Variants in ARHGEF38 observed in about 807,000 individuals in gnomAD.
The protein encoded by ARHGEF38 is Rho guanine nucleotide exchange factor 38.
Under a neutral mutation model 79.9 loss-of-function variants are expected in ARHGEF38, and 79 were observed. That is an observed-to-expected ratio of 0.99 (90% CI 0.82 to 1.19). The LOEUF is 1.19. Among genes scored for constraint, ARHGEF38 ranks in the 50% most tolerant of loss-of-function variants. The pLI, the probability that ARHGEF38 is intolerant of heterozygous loss-of-function variation, is 0.00. For synonymous variants in ARHGEF38, 366 were observed against 328.3 expected, an observed-to-expected ratio of 1.11 and a Z score of -1.24; for missense variants, 962 against 907.2, an observed-to-expected ratio of 1.06 and a Z score of -0.78.
At chr4:105,625,254 G>A (rs1006937032) in intron 3 of ARHGEF38, among the ~76,000 whole-genome samples, 4 of 152,088 alleles carry the variant, frequency 2.6e-5, no homozygotes, top group Non-Finnish European at 5.9e-5. Context: ...ATGTAAAAAT[G>A]GGTAGTATAG....
rs143435474 is a variant in ARHGEF38, at chr4:105,654,652, A to C, written c.1113+483A>C. Among the ~76,000 whole-genome samples the C allele has an allele frequency of 2.4e-3, 367 of 152,336 alleles. 2 individuals carry two copies. Among genetic ancestry groups the C allele is most frequent in the African/African-American group, 8.6e-3 (356 of 41,578 alleles). On this transcript the variant is annotated intron_variant, in intron 8 of 13. Coordinates refer to ENST00000420470, the MANE Select transcript of ARHGEF38 (RefSeq NM_001242729.2). Reference sequence around the variant, plus strand: ...TTAGAAAACAGAAATACTCCCAGAAATTTCCAATCCCATAAGAAGTTGTCC... The same window carrying C: ...TTAGAAAACAGAAATACTCCCAGAACTTTCCAATCCCATAAGAAGTTGTCC...
At chr4:105,639,893 A>G (rs185433678) in intron 5 of ARHGEF38, among the ~76,000 whole-genome samples, 24 of 152,198 alleles carry the variant, frequency 1.6e-4, no homozygotes, top group African/African-American at 5.1e-4. Context: ...TAAAAATGAT[A>G]TATAGCCCTG....
At chr4:105,630,046 G>A (rs1350202743) in intron 3 of ARHGEF38, among the ~76,000 whole-genome samples, 1 of 152,020 alleles carries the variant, frequency 6.6e-6, no homozygotes, top group Non-Finnish European at 1.5e-5. Context: ...ACAAAAAATT[G>A]CTTCATTTTG....
intron 3 of ARHGEF38, among the ~76,000 whole-genome samples, chr4:105,618,286 A>T (rs1221999432): frequency 6.6e-6 from 1 of 152,210 alleles, no homozygotes; most frequent in African/African-American, 2.4e-5. Flanking sequence ...GTTCTTGCTG[A>T]TATAAATAAA....
At chr4:105,601,465 G>A (rs2110475785) in intron 2 of ARHGEF38, among the ~76,000 whole-genome samples, 1 of 152,224 alleles carries the variant, frequency 6.6e-6, no homozygotes, top group East Asian at 1.9e-4. Flanking sequence ...ATAGCAGTAA[G>A]GGAACAGGGA....
At chr4:105,636,181 A>G (rs2110525428) in intron 4 of ARHGEF38, among the ~76,000 whole-genome samples, 1 of 152,162 alleles carries the variant, frequency 6.6e-6, no homozygotes, top group Non-Finnish European at 1.5e-5. Context: ...ACAGGATATT[A>G]TTTTATTTAT....
chr4:105,593,494 C>A (rs1006388955), intron 2 of ARHGEF38, among the ~76,000 whole-genome samples: 1 of 152,116 alleles, frequency 6.6e-6, no homozygotes, highest in African/African-American at 2.4e-5. Flanking sequence ...GCCATGATCA[C>A]GCCACTGTAC....
At chr4:105,553,006 T>C (rs1725071327) in intron 1 of ARHGEF38, 45 bp downstream of exon 1, 2 of 1,461,784 alleles carry the variant, frequency 1.4e-6, no homozygotes, top group African/African-American at 1.4e-5. Context: ...CACTCCCAGC[T>C]CCATTTCTGC....
intron 5 of ARHGEF38, among the ~76,000 whole-genome samples, chr4:105,640,909 T>A (rs1729592081): frequency 6.6e-6 from 1 of 152,032 alleles, no homozygotes; most frequent in Admixed American, 6.6e-5. Context: ...GATTATAGAG[T>A]CTTCTTTTTG....
chr4:105,651,445 A>G (rs1268624595), intron 7 of ARHGEF38, among the ~76,000 whole-genome samples: 1 of 152,232 alleles, frequency 6.6e-6, no homozygotes, highest in Non-Finnish European at 1.5e-5. Flanking sequence ...TCTTGTACCC[A>G]GCACCATGTT....
intron 2 of ARHGEF38, among the ~76,000 whole-genome samples, chr4:105,597,996 C>T (rs1387659397): frequency 6.6e-6 from 1 of 151,894 alleles, no homozygotes; most frequent in Non-Finnish European, 1.5e-5. Flanking sequence ...CTTGTTTACT[C>T]TCCCAAACTT....
intron 2 of ARHGEF38, 95 bp downstream of exon 2, chr4:105,589,530 G>T (rs1727223596): frequency 8.9e-7 from 1 of 1,118,526 alleles, no homozygotes. Context: ...TCAATGGGAT[G>T]ATGTGCCTTT....
At chr4:105,593,611 A>G (rs746848796) in intron 2 of ARHGEF38, among the ~76,000 whole-genome samples, 70 of 152,306 alleles carry the variant, frequency 4.6e-4, no homozygotes, top group Non-Finnish European at 8.4e-4. Context: ...TTCTTAGTCC[A>G]CATTTGTATC....
intron 4 of ARHGEF38, among the ~76,000 whole-genome samples, chr4:105,634,558 G>C (rs762019477): frequency 2.0e-5 from 3 of 152,138 alleles, no homozygotes; most frequent in Non-Finnish European, 4.4e-5. Context: ...GAATGTGAAA[G>C]ATAGCGTGGC....
At chr4:105,591,829 A>G (rs893940649) in intron 2 of ARHGEF38, among the ~76,000 whole-genome samples, 2 of 152,206 alleles carry the variant, frequency 1.3e-5, no homozygotes, top group African/African-American at 4.8e-5. Context: ...GAAATTTCTT[A>G]TTCATGATGT....
chr4:105,620,643 C>A (rs1383959610), intron 3 of ARHGEF38, among the ~76,000 whole-genome samples: 1 of 152,160 alleles, frequency 6.6e-6, no homozygotes, highest in Admixed American at 6.5e-5. Context: ...TTTCTAGATG[C>A]TTCCAATATC....
At chr4:105,613,295 G>T in intron 2 of ARHGEF38, 89 bp from the exon 3 acceptor site, 2 of 1,414,694 alleles carry the variant, frequency 1.4e-6, no homozygotes, top group Non-Finnish European at 1.9e-6. Flanking sequence ...GACAGCATGC[G>T]CTGGCATTTA....
At chr4:105,566,231 C>A (rs1172171340) in intron 1 of ARHGEF38, among the ~76,000 whole-genome samples, 1 of 152,102 alleles carries the variant, frequency 6.6e-6, no homozygotes, top group Non-Finnish European at 1.5e-5. Context: ...CTTTTTTTGC[C>A]ACCAAGCCTT....
intron 3 of ARHGEF38, among the ~76,000 whole-genome samples, chr4:105,613,897 A>AT (rs1321198795): frequency 6.6e-6 from 1 of 152,026 alleles, no homozygotes; most frequent in African/African-American, 2.4e-5. Flanking sequence ...CCATCAATCA[A>AT]TTTTTTTAGA....
Sources: allele counts gnomAD v4.1 joint callset (sites outside exome capture counted in the v4.1 genomes callset), GRCh38; gene constraint gnomAD v4.1.1; transcripts MANE v1.5; gene names NCBI Gene and HGNC (gene_info 2026-07-23, HGNC 2026-07-21).